Variants in PTPRM observed in about 807,000 individuals in gnomAD.
PTPRM encodes protein tyrosine phosphatase receptor type M, also known as receptor-type tyrosine-protein phosphatase mu.
Under a neutral mutation model 186.7 loss-of-function variants are expected in PTPRM, and 47 were observed. That is an observed-to-expected ratio of 0.25 (90% CI 0.20 to 0.32). The LOEUF is 0.32. PTPRM is among the 10% of genes least tolerant of loss of function. PTPRM has a pLI of 1.00. For synonymous variants in PTPRM, 668 were observed against 674.9 expected (o/e 0.99, Z 0.16); for missense variants, 1,494 against 1,865.0 (o/e 0.80, Z 3.66).
chr18:7,928,016 A>G (rs1433298852), intron 5 of PTPRM, among the ~76,000 whole-genome samples: 2 of 152,200 alleles, frequency 1.3e-5, no homozygotes, highest in Non-Finnish European at 2.9e-5. Context: ...TGCTGGGATT[A>G]CAGGTGTGAG....
intron 7 of PTPRM, among the ~76,000 whole-genome samples, chr18:7,978,306 A>G (rs1432446730): frequency 6.6e-6 from 1 of 152,200 alleles, no homozygotes; most frequent in Middle Eastern, 3.2e-3. Flanking sequence ...CAACACCGAG[A>G]GATATTTATC....
chr18:7,938,900 G>A (rs1018769761), intron 5 of PTPRM, among the ~76,000 whole-genome samples: 1 of 152,144 alleles, frequency 6.6e-6, no homozygotes, highest in African/African-American at 2.4e-5. Context: ...GCTAGCATAT[G>A]ATGATACAAG....
Position 8,067,168 on chromosome 18 carries a change from C to T in PTPRM, c.1133-2518C>T, listed in dbSNP as rs544886100. ...AATTGATGAAAACCTTAGGAAAATG[C>T]GTTAGAACAGTCCTGTGATGAATAG... On this transcript the variant is annotated intron_variant, in intron 7 of 32. Transcript: ENST00000580170. Among the ~76,000 whole-genome samples, 6 of 152,106 alleles carry T rather than the reference C, an allele frequency of 3.9e-5. No homozygotes were observed. In the South Asian group the frequency reaches 8.3e-4, roughly 21 times the overall value.
chr18:8,125,976 C>A (rs867913197), intron 13 of PTPRM, among the ~76,000 whole-genome samples: 1 of 59,730 alleles, frequency 1.7e-5, no homozygotes. Context: ...TGTGTGTATA[C>A]ATATATATAT....
At chr18:7,673,455 TGAA>T (rs1220812817) in intron 1 of PTPRM, among the ~76,000 whole-genome samples, 5 of 152,124 alleles carry the variant, frequency 3.3e-5, no homozygotes, top group Admixed American at 6.5e-5. Context: ...TTAATCTGCG[TGAA>T]GAAGGAGAAA....
At chr18:8,008,307 TC>T (rs2084311073) in intron 7 of PTPRM, among the ~76,000 whole-genome samples, 2 of 151,968 alleles carry the variant, frequency 1.3e-5, no homozygotes, top group South Asian at 4.2e-4. Context: ...CACTGAGAAA[TC>T]AATAAACAGC....
At chr18:7,646,359 T>G (rs1448627505) in intron 1 of PTPRM, among the ~76,000 whole-genome samples, 1 of 152,196 alleles carries the variant, frequency 6.6e-6, no homozygotes, top group Non-Finnish European at 1.5e-5. Flanking sequence ...CCTCTGGGCT[T>G]TGATGGACAT....
At chr18:7,892,137 G>A (rs1291603425) in intron 3 of PTPRM, among the ~76,000 whole-genome samples, 2 of 152,166 alleles carry the variant, frequency 1.3e-5, no homozygotes, top group African/African-American at 4.8e-5. Flanking sequence ...ATATCAGAAG[G>A]TATGTCCTGC....
intron 3 of PTPRM, among the ~76,000 whole-genome samples, chr18:7,895,671 A>G (rs1040034709): frequency 6.6e-6 from 1 of 152,088 alleles, no homozygotes; most frequent in Non-Finnish European, 1.5e-5. Flanking sequence ...CAGAACGTCC[A>G]TTTCTCACTT....
intron 23 of PTPRM, among the ~76,000 whole-genome samples, chr18:8,359,962 T>A (rs28492675): frequency 0.024 from 3,582 of 152,320 alleles, 144 homozygotes; most frequent in African/African-American, 0.082. Context: ...CTCCTTTCTC[T>A]ACTTTCCAAA....
intron 14 of PTPRM, among the ~76,000 whole-genome samples, chr18:8,147,946 T>C (rs1440501342): frequency 6.6e-6 from 1 of 152,204 alleles, no homozygotes; most frequent in Non-Finnish European, 1.5e-5. Flanking sequence ...TGGGTTACGT[T>C]TATTGATTTG....
At chr18:7,680,288 G>A (rs2039450938) in intron 1 of PTPRM, among the ~76,000 whole-genome samples, 1 of 152,186 alleles carries the variant, frequency 6.6e-6, no homozygotes, top group Non-Finnish European at 1.5e-5. Flanking sequence ...GTGGTGCCAG[G>A]TGTGGATTCT....
intron 23 of PTPRM, among the ~76,000 whole-genome samples, chr18:8,355,861 C>T (rs1280835770): frequency 6.6e-6 from 1 of 152,190 alleles, no homozygotes; most frequent in African/African-American, 2.4e-5. Context: ...ATGGGTCTCA[C>T]AGCCAGACAG....
rs113104527 is a variant in PTPRM, at chr18:7,798,510, C to T, written c.196+24239C>T. 8.9e-3 allele frequency among the ~76,000 whole-genome samples: 1,342 copies of T among 150,164 alleles called. 18 individuals carry two copies. The highest frequency in any genetic ancestry group is 0.017 in the Middle Eastern group (5 of 292). On this transcript the variant is annotated intron_variant, in intron 2 of 32. Coordinates refer to ENST00000580170, the MANE Select transcript of PTPRM (RefSeq NM_001105244.2). ...TGCCATTGCACTCTAGCCTGGGCGACAGGGCAAGAATCCGTCTCAAAAAAA... is the reference window on the plus strand; with the variant it reads ...TGCCATTGCACTCTAGCCTGGGCGATAGGGCAAGAATCCGTCTCAAAAAAA...
chr18:8,070,030 T>A (rs371375052), intron 8 of PTPRM, 36 bp downstream of exon 8: 1 of 1,557,434 alleles, frequency 6.4e-7, no homozygotes, highest in Admixed American at 1.9e-5. Flanking sequence ...GTGTAAAACA[T>A]GTTCTTTCAA....
chr18:7,882,615 T>G (rs1014511074), intron 2 of PTPRM, among the ~76,000 whole-genome samples: 4 of 152,234 alleles, frequency 2.6e-5, no homozygotes, highest in Non-Finnish European at 5.9e-5. Context: ...GTTTAAAAAG[T>G]GAATTTTATA....
chr18:8,067,865 C>T (rs1467187660), intron 7 of PTPRM, among the ~76,000 whole-genome samples: 1 of 152,198 alleles, frequency 6.6e-6, no homozygotes, highest in Non-Finnish European at 1.5e-5. Context: ...GGAAGAATTC[C>T]TCTCAGCACT....
intron 14 of PTPRM, among the ~76,000 whole-genome samples, chr18:8,153,677 C>T (rs536088541): frequency 5.3e-5 from 8 of 152,238 alleles, no homozygotes; most frequent in Admixed American, 4.6e-4. Flanking sequence ...GTCTAATTGT[C>T]CAGGACTTTT....
intron 14 of PTPRM, among the ~76,000 whole-genome samples, chr18:8,226,496 C>T (rs917997817): frequency 6.6e-6 from 1 of 152,030 alleles, no homozygotes; most frequent in African/African-American, 2.4e-5. Context: ...GAGAAAAAGG[C>T]ATTTTTTACA....
Sources: gnomAD v4.1 joint callset for allele counts (sites outside exome capture counted in the v4.1 genomes callset) on GRCh38, gnomAD v4.1.1 for gene constraint, MANE v1.5 for transcripts, NCBI Gene and HGNC (gene_info 2026-07-23, HGNC 2026-07-21) for gene names.